The following CD8B variants were observed in gnomAD, a reference collection of about 807,000 sequenced individuals.
The protein encoded by CD8B is CD8 subunit beta.
A neutral mutation model predicts 24.2 loss-of-function variants in CD8B; 6 were observed. The observed-to-expected ratio is 0.25, with a 90% CI of 0.14 to 0.49. The LOEUF (loss-of-function observed/expected upper bound fraction) is 0.49. Ranked by LOEUF, CD8B falls within the 20% of genes least tolerant of loss-of-function variation. The pLI is 0.98. For missense variants in CD8B, 196 were observed against 271.3 expected (o/e 0.72, Z 1.95); for synonymous variants, 84 against 108.3 (o/e 0.78, Z 1.39).
intron 3 of CD8B, among the ~76,000 whole-genome samples, chr2:86,847,581 T>A (rs1177134864): frequency 6.6e-6 from 1 of 152,232 alleles, no homozygotes; most frequent in Non-Finnish European, 1.5e-5. Flanking sequence ...AGTCTCGCTC[T>A]GTCACACACA....
rs145518746 is a variant in CD8B, at chr2:86,840,444, G to A, written c.*1863C>T. On this transcript the variant is annotated 3_prime_UTR_variant, in exon 6 of 6. Coordinates refer to ENST00000390655, the MANE Select transcript of CD8B (RefSeq NM_004931.5). ...CTGCATCTCAGATGGAAAGGGAGAC[G>A]GCCCTGGATTGACCACAGACCAAGC... Among the ~76,000 whole-genome samples the A allele has an allele frequency of 2.6e-5, 4 of 152,200 alleles. No individual in the cohort carries two copies. The highest frequency in any genetic ancestry group is 9.7e-5 in the African/African-American group (4 of 41,446).
downstream of CD8B, among the ~76,000 whole-genome samples, chr2:86,836,506 T>C (rs1184192067): frequency 6.6e-6 from 1 of 152,140 alleles, no homozygotes; most frequent in Non-Finnish European, 1.5e-5. Context: ...ACTTAAGGGA[T>C]TGGGCATGGT....
chr2:86,830,382 C>A (rs1438644071), intron 5 of CD8B, among the ~76,000 whole-genome samples: 1 of 152,184 alleles, frequency 6.6e-6, no homozygotes, highest in Non-Finnish European at 1.5e-5. Context: ...GCCTAGCCAA[C>A]GTGGCGAAAC....
At position 86,852,931 on chromosome 2, in the gene CD8B, G is replaced by A. The variant is rs1676046514; in HGVS notation, c.493+66C>T. The A allele has an allele frequency of 1.3e-5, 16 of 1,245,400 alleles. No homozygotes were observed. The South Asian group carries it at 1.7e-4, about 13-fold the overall frequency. The allele number at this position is 1,245,400 out of a possible 1,614,324, so 77.1% of individuals were successfully genotyped here. The stretch of plus-strand genomic sequence containing the variant: ...GGAAAGTGCCTGGGGAAGGAAGGAG[G>A]GGAGGGAGGGAGGGCAAGGGGATGT... On this transcript the variant is annotated intron_variant, in intron 3 of 5. Transcript: ENST00000390655.
At chr2:86,827,498 C>T (rs1320726068) in intron 5 of CD8B, among the ~76,000 whole-genome samples, 1 of 151,974 alleles carries the variant, frequency 6.6e-6, no homozygotes, top group African/African-American at 2.4e-5. Context: ...GTGGCATGTG[C>T]CTGTGGTCCC....
At chr2:86,815,625 T>C (rs1417218008) in exon 6 of CD8B, 3 of 1,608,452 alleles carry the variant, frequency 1.9e-6, no homozygotes, top group Non-Finnish European at 2.6e-6. Flanking sequence ...TCAGGATCCA[T>C]GGGTTAAGCA....
chr2:86,846,519 C>G (rs750104710), intron 4 of CD8B, among the ~76,000 whole-genome samples, 165 bp downstream of exon 4: 6 of 152,166 alleles, frequency 3.9e-5, no homozygotes, highest in Non-Finnish European at 5.9e-5. Context: ...TTGGTTTTGG[C>G]TGCGTAGCCC....
At chr2:86,861,073 C>A (rs1386427974) in intron 1 of CD8B, among the ~76,000 whole-genome samples, 1 of 152,174 alleles carries the variant, frequency 6.6e-6, no homozygotes, top group Non-Finnish European at 1.5e-5. Flanking sequence ...TGGGCCAGAA[C>A]CCCCGGCGGG....
chr2:86,861,883 A>G lies in CD8B; in HGVS notation c.-18T>C. Reference sequence around the variant, plus strand: ...GGCCGCATCGTGGCGCGCCCGGGACACCTGGCCCCGGGGGCTCGGCGGAGA... The same window carrying G: ...GGCCGCATCGTGGCGCGCCCGGGACGCCTGGCCCCGGGGGCTCGGCGGAGA... On this transcript the variant is annotated 5_prime_UTR_variant, in exon 1 of 6. Coordinates refer to ENST00000390655, the MANE Select transcript of CD8B (RefSeq NM_004931.5). The G allele has an allele frequency of 8.0e-7, 1 of 1,254,116 alleles. No individual in the cohort carries two copies. The highest frequency in any genetic ancestry group is 1.0e-6 in the Non-Finnish European group (1 of 998,956). 77.7% of individuals were successfully genotyped at this position (1,254,116 alleles called of 1,614,324 possible). A position where few individuals can be genotyped will look rare whatever the true frequency, so the allele number is the denominator to read the frequency against.
intron 5 of CD8B, among the ~76,000 whole-genome samples, chr2:86,828,250 C>T (rs78930946): frequency 0.023 from 3,460 of 151,820 alleles, 119 homozygotes; most frequent in East Asian, 0.12. Context: ...CATCTGGTCA[C>T]TTTAAACTTT....
chr2:86,847,864 C>T (rs1675762561), intron 3 of CD8B, among the ~76,000 whole-genome samples: 1 of 152,200 alleles, frequency 6.6e-6, no homozygotes, highest in Non-Finnish European at 1.5e-5. Context: ...CCGCAACTGG[C>T]CTTAAATACA....
chr2:86,835,664 C>G (rs1675148054), downstream of CD8B, among the ~76,000 whole-genome samples: 1 of 151,512 alleles, frequency 6.6e-6, no homozygotes, highest in African/African-American at 2.4e-5. Context: ...GGAGCCTCCA[C>G]CCCTCCACCA....
Position 86,839,537 on chromosome 2 carries a change from G to C in CD8B, c.*2770C>G, listed in dbSNP as rs1269923763. Among the ~76,000 whole-genome samples the C allele has an allele frequency of 6.6e-6, 1 of 152,224 alleles. No homozygotes were observed. The highest frequency in any genetic ancestry group is 2.4e-5 in the African/African-American group (1 of 41,460). On this transcript the variant is annotated 3_prime_UTR_variant, in exon 6 of 6. Coordinates refer to ENST00000390655, the MANE Select transcript of CD8B (RefSeq NM_004931.5). ...CTTCTTCAAACAAAGGTCAGGTGCT[G>C]GGTGCAGACCTTCTCACCGCAGCCC...
intron 1 of CD8B, among the ~76,000 whole-genome samples, chr2:86,861,094 C>T (rs1189655769): frequency 6.6e-6 from 1 of 152,184 alleles, no homozygotes; most frequent in African/African-American, 2.4e-5. Context: ...CAGGCCTTGT[C>T]ACCCCCTGGC....
At chr2:86,849,055 CA>C (rs1675840954) in intron 3 of CD8B, among the ~76,000 whole-genome samples, 1 of 152,084 alleles carries the variant, frequency 6.6e-6, no homozygotes, top group African/African-American at 2.4e-5. Flanking sequence ...GTTCAAAAAA[CA>C]AAAACAACAA....
intron 5 of CD8B, among the ~76,000 whole-genome samples, chr2:86,827,429 G>A (rs148988005): frequency 6.6e-6 from 1 of 152,006 alleles, no homozygotes; most frequent in Non-Finnish European, 1.5e-5. Context: ...ATTGAGACCA[G>A]CCTGGCCAAC....
At chr2:86,819,690 T>C (rs1674388431) in intron 5 of CD8B, among the ~76,000 whole-genome samples, 1 of 152,246 alleles carries the variant, frequency 6.6e-6, no homozygotes, top group Non-Finnish European at 1.5e-5. Flanking sequence ...AGGAGATTAA[T>C]ATTGTTTTTC....
At chr2:86,856,501 G>A (rs1407853842) in intron 2 of CD8B, among the ~76,000 whole-genome samples, 2 of 152,250 alleles carry the variant, frequency 1.3e-5, no homozygotes, top group South Asian at 2.1e-4. Flanking sequence ...AAGAGGTGGC[G>A]GGGCATCACT....
At chr2:86,856,837 T>A (rs1440957338) in intron 2 of CD8B, among the ~76,000 whole-genome samples, 14 of 149,578 alleles carry the variant, frequency 9.4e-5, no homozygotes, top group African/African-American at 2.2e-4. Flanking sequence ...ATCGAACACT[T>A]AGTATGAAAA....
Sources: allele counts gnomAD v4.1 joint callset (sites outside exome capture counted in the v4.1 genomes callset), GRCh38; gene constraint gnomAD v4.1.1; transcripts MANE v1.5; gene names NCBI Gene and HGNC (gene_info 2026-07-23, HGNC 2026-07-21).